The following CAP2 variants were observed in gnomAD, a reference collection of about 807,000 sequenced individuals.
CAP2 encodes cyclase associated actin cytoskeleton regulatory protein 2, also known as adenylyl cyclase-associated protein 2.
In CAP2, 24 loss-of-function variants were observed where a neutral mutation model predicts 57.7. The observed-to-expected ratio is 0.42, with a 90% CI of 0.30 to 0.58. The LOEUF (loss-of-function observed/expected upper bound fraction) is 0.58. Among genes scored for constraint, CAP2 ranks in the 20% least tolerant of loss-of-function variants. The pLI, the probability that CAP2 is intolerant of heterozygous loss-of-function variation, is 0.22. For missense variants in CAP2, 501 were observed against 590.3 expected (o/e 0.85, Z 1.57); for synonymous variants, 194 against 207.2 (o/e 0.94, Z 0.55).
intron 4 of CAP2, among the ~76,000 whole-genome samples, chr6:17,487,193 G>A (rs543117216): frequency 1.3e-5 from 2 of 152,098 alleles, no homozygotes; most frequent in East Asian, 1.9e-4. Flanking sequence ...CCTGCCTTTC[G>A]GAGCCATCTC....
At position 17,526,956 on chromosome 6, in the gene CAP2, C is replaced by CAAAAAA. The variant is rs1221212193; in HGVS notation, c.637-12296_637-12291dup. On this transcript the variant is annotated intron_variant, in intron 7 of 12. Coordinates refer to ENST00000229922, the MANE Select transcript of CAP2 (RefSeq NM_006366.3). ...TGGGCGACAGAGCAAGACTCTGTCT[C>CAAAAAA]AAAAAAAAAAAAAAAAAAAAAAGAA... 1.2e-4 allele frequency among the ~76,000 whole-genome samples: 10 copies of CAAAAAA among 80,094 alleles called. 1 individual carries two copies. Among genetic ancestry groups the CAAAAAA allele is most frequent in the East Asian group, 3.5e-4 (1 of 2,818 alleles). The allele number at this position is 80,094 out of a possible 152,430, so 52.5% of individuals were successfully genotyped here.
rs536637966 is a variant in CAP2, at chr6:17,406,091, C to T, written c.-2+12345C>T. The stretch of plus-strand genomic sequence containing the variant: ...GTTTGCAAAGCCTTTGGGACCGTCC[C>T]ACACATACACAGTTCAGGGACTTGT... On this transcript the variant is annotated intron_variant, in intron 1 of 12. Transcript: ENST00000229922. Among the ~76,000 whole-genome samples, 4 of 152,142 alleles carry T rather than the reference C, an allele frequency of 2.6e-5. 1 individual carries two copies. Among genetic ancestry groups the T allele is most frequent in the Admixed American group, 2.6e-4 (4 of 15,268 alleles).
intron 4 of CAP2, among the ~76,000 whole-genome samples, chr6:17,485,504 A>G (rs1761398534): frequency 6.6e-6 from 1 of 151,820 alleles, no homozygotes; most frequent in East Asian, 1.9e-4. Context: ...GTGACTTTGG[A>G]CTCACCCCAA....
chr6:17,453,614 C>T (rs890469905), intron 3 of CAP2, among the ~76,000 whole-genome samples: 2 of 152,160 alleles, frequency 1.3e-5, no homozygotes, highest in African/African-American at 4.8e-5. Context: ...GCAGAGGATA[C>T]AGAAGAAGGG....
intron 2 of CAP2, among the ~76,000 whole-genome samples, chr6:17,424,349 G>T (rs963322620): frequency 6.6e-6 from 1 of 152,106 alleles, no homozygotes; most frequent in Non-Finnish European, 1.5e-5. Flanking sequence ...GCAGTGAGCC[G>T]AGATCGCGCC....
chr6:17,516,836 T>G (rs1368129344), intron 7 of CAP2, among the ~76,000 whole-genome samples: 4 of 152,214 alleles, frequency 2.6e-5, no homozygotes, highest in Non-Finnish European at 5.9e-5. Flanking sequence ...CTTTTACAAA[T>G]GTTAACACGA....
At chr6:17,509,247 T>C (rs1762078481) in intron 6 of CAP2, among the ~76,000 whole-genome samples, 1 of 152,166 alleles carries the variant, frequency 6.6e-6, no homozygotes, top group African/African-American at 2.4e-5. Flanking sequence ...TTTTTGTAGA[T>C]TTTTTTATTT....
In CAP2 at chr6:17,459,302, T is replaced by C. The variant is rs116652056; in HGVS notation, c.223-3694T>C. 6.2e-3 allele frequency among the ~76,000 whole-genome samples: 948 copies of C among 152,288 alleles called. 13 individuals carry two copies. The highest frequency in any genetic ancestry group is 0.021 in the African/African-American group (882 of 41,546). On this transcript the variant is annotated intron_variant, in intron 3 of 12. Coordinates refer to ENST00000229922, the MANE Select transcript of CAP2 (RefSeq NM_006366.3). ...CTGGACATCACCTCAGCCAAATTCT[T>C]CCTCTCCCTGTTCTAGCAGGCCTTA...
chr6:17,455,854 T>G (rs1476925823), intron 3 of CAP2, among the ~76,000 whole-genome samples: 2 of 152,064 alleles, frequency 1.3e-5, no homozygotes, highest in Non-Finnish European at 2.9e-5. Flanking sequence ...TAATAAACTT[T>G]CCCTCCTGCT....
intron 7 of CAP2, among the ~76,000 whole-genome samples, chr6:17,538,906 T>C (rs1045577508): frequency 2.6e-5 from 4 of 152,244 alleles, no homozygotes; most frequent in South Asian, 2.1e-4. Flanking sequence ...GTTTTATCAA[T>C]TGGATCACTT....
intron 1 of CAP2, among the ~76,000 whole-genome samples, chr6:17,410,997 T>C (rs1377851565): frequency 1.3e-5 from 2 of 152,200 alleles, no homozygotes; most frequent in African/African-American, 4.8e-5. Flanking sequence ...ACTTTCTGTC[T>C]CTATAGATTA....
chr6:17,433,904 A>T (rs1289150803), intron 3 of CAP2, among the ~76,000 whole-genome samples: 1 of 152,182 alleles, frequency 6.6e-6, no homozygotes, highest in Non-Finnish European at 1.5e-5. Flanking sequence ...CTCACTAAAC[A>T]TCCTAATTTC....
chr6:17,455,675 A>G (rs1463669667), intron 3 of CAP2, among the ~76,000 whole-genome samples: 1 of 151,898 alleles, frequency 6.6e-6, no homozygotes, highest in Non-Finnish European at 1.5e-5. Context: ...AGCTGGGACT[A>G]CAGGCGCCCA....
intron 12 of CAP2, among the ~76,000 whole-genome samples, chr6:17,555,803 G>GT (rs1485852023): frequency 2.6e-5 from 4 of 152,020 alleles, no homozygotes; most frequent in Non-Finnish European, 4.4e-5. Flanking sequence ...CTGACCTCAG[G>GT]TGATCCCCCT....
In CAP2 at chr6:17,556,504, C is replaced by A; in HGVS notation, c.*62C>A. 3 of 1,204,558 alleles carry A rather than the reference C, an allele frequency of 2.5e-6. No individual in the cohort carries two copies. The highest frequency in any genetic ancestry group is 1.2e-5 in the South Asian group (1 of 82,596). 74.6% of individuals were successfully genotyped at this position (1,204,558 alleles called of 1,614,324 possible). A position where few individuals can be genotyped will look rare whatever the true frequency, so the allele number is the denominator to read the frequency against. On this transcript the variant is annotated 3_prime_UTR_variant, in exon 13 of 13. Coordinates refer to ENST00000229922, the MANE Select transcript of CAP2 (RefSeq NM_006366.3). Reference sequence around the variant, plus strand: ...CTCTATCAAACAAACAAAAAAGCAGCAGTAAAGAGCTAGAAGTTGCAGTAG... The same window carrying A: ...CTCTATCAAACAAACAAAAAAGCAGAAGTAAAGAGCTAGAAGTTGCAGTAG...
chr6:17,553,246 A>G (rs948647885), intron 12 of CAP2, among the ~76,000 whole-genome samples: 1 of 152,204 alleles, frequency 6.6e-6, no homozygotes, highest in African/African-American at 2.4e-5. Flanking sequence ...TGTAACTGTT[A>G]AAGCTTCCCA....
chr6:17,531,475 C>T, intron 7 of CAP2: 2 of 1,502,236 alleles, frequency 1.3e-6, no homozygotes, highest in Non-Finnish European at 1.8e-6. Context: ...TGTGATAGTG[C>T]TTCGCTTTTT....
At chr6:17,416,882 C>T (rs1759290167) in intron 1 of CAP2, among the ~76,000 whole-genome samples, 1 of 152,002 alleles carries the variant, frequency 6.6e-6, no homozygotes, top group African/African-American at 2.4e-5. Context: ...TGCTTGAGCC[C>T]AAGAGTTCAA....
At chr6:17,450,245 GTT>G (rs1760368462) in intron 3 of CAP2, among the ~76,000 whole-genome samples, 1 of 151,958 alleles carries the variant, frequency 6.6e-6, no homozygotes, top group Non-Finnish European at 1.5e-5. Flanking sequence ...TAGAGACGGG[GTT>G]TCACCATTTT....
Sources: gnomAD v4.1 joint callset for allele counts (sites outside exome capture counted in the v4.1 genomes callset) on GRCh38, gnomAD v4.1.1 for gene constraint, MANE v1.5 for transcripts, NCBI Gene and HGNC (gene_info 2026-07-23, HGNC 2026-07-21) for gene names.